The following CAMKMT variants were observed in gnomAD, a reference collection of about 807,000 sequenced individuals.
The protein encoded by CAMKMT is calmodulin-lysine N-methyltransferase.
In CAMKMT, 53 loss-of-function variants were observed where a neutral mutation model predicts 48.0. That is an observed-to-expected ratio of 1.10 (90% CI 0.89 to 1.39). The LOEUF (loss-of-function observed/expected upper bound fraction) is 1.39, where lower values mean the gene tolerates loss of function less well. CAMKMT is among the 40% of genes most tolerant of loss of function. CAMKMT has a pLI of 0.00. For synonymous variants in CAMKMT, 165 were observed against 152.3 expected (o/e 1.08, Z -0.61); for missense variants, 428 against 402.7 (o/e 1.06, Z -0.54).
At chr2:44,672,720 G>A (rs1022947016) in intron 3 of CAMKMT, among the ~76,000 whole-genome samples, 14 of 151,978 alleles carry the variant, frequency 9.2e-5, no homozygotes, top group Non-Finnish European at 7.4e-5. Flanking sequence ...TGGGTACCAG[G>A]CACTTTTGTA....
chr2:44,381,940 CTTT>C (rs11440012), intron 2 of CAMKMT, among the ~76,000 whole-genome samples: 1 of 124,812 alleles, frequency 8.0e-6, no homozygotes. Flanking sequence ...TTATCTTACA[CTTT>C]TTTTTTTTTT....
At chr2:44,615,079 C>T (rs923913711) in intron 3 of CAMKMT, among the ~76,000 whole-genome samples, 1 of 151,070 alleles carries the variant, frequency 6.6e-6, no homozygotes, top group Non-Finnish European at 1.5e-5. Flanking sequence ...AGGTGCACCC[C>T]ACACCCGGCT....
intron 3 of CAMKMT, among the ~76,000 whole-genome samples, chr2:44,687,070 A>T (rs1047802198): frequency 6.6e-6 from 1 of 152,240 alleles, no homozygotes; most frequent in South Asian, 2.1e-4. Flanking sequence ...AATGTATGAT[A>T]ATTCTTGGCT....
At chr2:44,660,937 T>G (rs1674646588) in intron 3 of CAMKMT, among the ~76,000 whole-genome samples, 1 of 152,118 alleles carries the variant, frequency 6.6e-6, no homozygotes, top group African/African-American at 2.4e-5. Context: ...GGCATCAATG[T>G]TATGTTTTTG....
chr2:44,466,427 C>T (rs1184328753), intron 3 of CAMKMT, among the ~76,000 whole-genome samples: 1 of 152,024 alleles, frequency 6.6e-6, no homozygotes, highest in Admixed American at 6.5e-5. Flanking sequence ...CTTGAACAAC[C>T]ACTGTGTCAA....
intron 3 of CAMKMT, among the ~76,000 whole-genome samples, chr2:44,541,142 C>T (rs1667084948): frequency 6.6e-6 from 1 of 152,080 alleles, no homozygotes; most frequent in African/African-American, 2.4e-5. Context: ...ATGGCTAGTC[C>T]CATCTCATAG....
intron 3 of CAMKMT, among the ~76,000 whole-genome samples, chr2:44,567,946 C>T (rs764760885): frequency 3.3e-5 from 5 of 151,136 alleles, no homozygotes; most frequent in Non-Finnish European, 7.4e-5. Flanking sequence ...AATGCTACTC[C>T]TGTTCTTATT....
At chr2:44,510,502 C>A (rs1670484802) in intron 3 of CAMKMT, among the ~76,000 whole-genome samples, 1 of 152,122 alleles carries the variant, frequency 6.6e-6, no homozygotes, top group Non-Finnish European at 1.5e-5. Context: ...ATCCTAGGAT[C>A]CTCCATTACA....
At chr2:44,415,296 G>A (rs1270539734) in intron 3 of CAMKMT, among the ~76,000 whole-genome samples, 1 of 152,200 alleles carries the variant, frequency 6.6e-6, no homozygotes, top group Non-Finnish European at 1.5e-5. Context: ...AGTACTTAAA[G>A]AAAATGACTT....
chr2:44,727,504 G>A (rs1454607148), intron 7 of CAMKMT, among the ~76,000 whole-genome samples: 7 of 152,174 alleles, frequency 4.6e-5, no homozygotes, highest in African/African-American at 7.2e-5. Context: ...ATCAATTCTA[G>A]GAGCCTTTTG....
At chr2:44,471,426 C>T (rs958128385) in intron 3 of CAMKMT, among the ~76,000 whole-genome samples, 55 of 151,974 alleles carry the variant, frequency 3.6e-4, no homozygotes, top group African/African-American at 1.2e-3. Flanking sequence ...AGCAAAACCC[C>T]GTCTCTAAAA....
intron 3 of CAMKMT, among the ~76,000 whole-genome samples, chr2:44,611,695 A>G (rs1262871011): frequency 1.3e-5 from 2 of 151,978 alleles, no homozygotes. Context: ...TTTATAAAGA[A>G]AAGAGGTTTA....
At chr2:44,599,341 A>G (rs998815719) in intron 3 of CAMKMT, among the ~76,000 whole-genome samples, 1 of 152,098 alleles carries the variant, frequency 6.6e-6, no homozygotes, top group East Asian at 1.9e-4. Context: ...CAGTAACACT[A>G]TTGTACAATA....
intron 3 of CAMKMT, among the ~76,000 whole-genome samples, chr2:44,441,342 A>G (rs1050609577): frequency 1.3e-5 from 2 of 152,196 alleles, no homozygotes; most frequent in Admixed American, 1.3e-4. Context: ...TTGCTGGGTG[A>G]TAACATCTAG....
intron 3 of CAMKMT, among the ~76,000 whole-genome samples, chr2:44,650,782 A>G (rs1389270886): frequency 6.6e-6 from 1 of 152,192 alleles, no homozygotes. Flanking sequence ...GTGTGGTTAT[A>G]AGAATCAGTA....
chr2:44,592,236 A>T (rs1670335927), intron 3 of CAMKMT, among the ~76,000 whole-genome samples: 1 of 152,030 alleles, frequency 6.6e-6, no homozygotes, highest in African/African-American at 2.4e-5. Context: ...TAAATAAATA[A>T]ACTACGAATT....
chr2:44,633,996 A>G (rs1672983436), intron 3 of CAMKMT, among the ~76,000 whole-genome samples: 1 of 152,056 alleles, frequency 6.6e-6, no homozygotes, highest in African/African-American at 2.4e-5. Flanking sequence ...ATGCTAGTTT[A>G]ACCCTACTAT....
chr2:44,765,801 G>C (rs1680818657), intron 9 of CAMKMT, among the ~76,000 whole-genome samples: 1 of 152,152 alleles, frequency 6.6e-6, no homozygotes, highest in African/African-American at 2.4e-5. Context: ...ATGAGGAACT[G>C]CTTGGCTATA....
chr2:44,425,969 G>C (rs1684252395), intron 3 of CAMKMT, among the ~76,000 whole-genome samples: 1 of 152,110 alleles, frequency 6.6e-6, no homozygotes, highest in African/African-American at 2.4e-5. Flanking sequence ...GACCTCAGGT[G>C]ATCCACCCGC....
Sources: allele counts gnomAD v4.1 joint callset (sites outside exome capture counted in the v4.1 genomes callset), GRCh38; gene constraint gnomAD v4.1.1; transcripts MANE v1.5; gene names NCBI Gene and HGNC (gene_info 2026-07-23, HGNC 2026-07-21).